Variants in FAM124A observed in about 807,000 individuals in gnomAD.
FAM124A encodes the protein protein FAM124A.
A neutral mutation model predicts 24.5 loss-of-function variants in FAM124A; 23 were observed. The ratio of observed to expected loss-of-function variants is 0.94; its 90% CI spans 0.68 to 1.33. The LOEUF is 1.33. Among genes scored for constraint, FAM124A ranks in the 40% most tolerant of loss-of-function variants. FAM124A has a pLI of 0.00. For synonymous variants in FAM124A, 287 were observed against 314.7 expected, an observed-to-expected ratio of 0.91 and a Z score of 0.93; for missense variants, 623 against 722.8, an observed-to-expected ratio of 0.86 and a Z score of 1.58.
chr13:51,224,374 G>A (rs1954295719), intron 1 of FAM124A, among the ~76,000 whole-genome samples: 1 of 152,192 alleles, frequency 6.6e-6, no homozygotes, highest in African/African-American at 2.4e-5. Flanking sequence ...GGGAGGCTGA[G>A]GCAGGAGAAT....
At chr13:51,230,912 C>T (rs769472342) in intron 1 of FAM124A, among the ~76,000 whole-genome samples, 1 of 152,232 alleles carries the variant, frequency 6.6e-6, no homozygotes, top group African/African-American at 2.4e-5. Flanking sequence ...CCTCTCTCCT[C>T]GCGCTGGGAT....
intron 2 of FAM124A, among the ~76,000 whole-genome samples, chr13:51,238,341 A>G (rs763907282): frequency 2.6e-5 from 4 of 152,174 alleles, no homozygotes; most frequent in Non-Finnish European, 5.9e-5. Context: ...AGTAAGTTGT[A>G]TGTACTGAAA....
At chr13:51,249,591 A>C (rs1423784226) in intron 2 of FAM124A, among the ~76,000 whole-genome samples, 1 of 152,236 alleles carries the variant, frequency 6.6e-6, no homozygotes, top group Admixed American at 6.5e-5. Flanking sequence ...GTGTTCAACT[A>C]AAGAAACATC....
intron 3 of FAM124A, among the ~76,000 whole-genome samples, chr13:51,270,302 A>ATTG (rs1954827860): frequency 6.6e-6 from 1 of 152,248 alleles, no homozygotes; most frequent in Non-Finnish European, 1.5e-5. Flanking sequence ...ACGTACTTGC[A>ATTG]TCCCATCTTG....
intron 3 of FAM124A, among the ~76,000 whole-genome samples, chr13:51,278,628 A>G (rs1441189879): frequency 6.6e-6 from 1 of 152,066 alleles, no homozygotes; most frequent in African/African-American, 2.4e-5. Flanking sequence ...AATTCCGCCC[A>G]CCCAGCAGGC....
Position 51,280,570 on chromosome 13 carries a change from C to T in FAM124A, c.955C>T (p.Gln319Ter). The T allele has an allele frequency of 1.2e-6, 2 of 1,614,124 alleles. No homozygotes were observed. Among genetic ancestry groups the T allele is most frequent in the East Asian group, 2.2e-5 (1 of 44,890 alleles). Residue 319 changes from glutamine to a stop codon, truncating the protein, a stop_gained, in exon 4 of 4, where the codon CAG (glutamine) becomes TAG (stop). Transcript: ENST00000322475. LOFTEE classifies it low-confidence loss of function (END_TRUNC). ...ACCAAGCCATACACCTGGCAGCAGC[C>T]AGCAGTCCCCGCTCAACAGTCCTCA... ...AVPSHTPGSS[Q>*]QSPLNSPHPG...
intron 3 of FAM124A, among the ~76,000 whole-genome samples, chr13:51,262,213 G>A (rs576721684): frequency 3.3e-5 from 5 of 152,338 alleles, no homozygotes; most frequent in African/African-American, 1.2e-4. Context: ...AGGTTGGCCT[G>A]TTCAAACACC....
intron 3 of FAM124A, among the ~76,000 whole-genome samples, chr13:51,255,349 A>T (rs575635011): frequency 6.6e-6 from 1 of 152,316 alleles, no homozygotes; most frequent in East Asian, 1.9e-4. Context: ...TGTCGCCATT[A>T]AAATTTAAAT....
intron 3 of FAM124A, among the ~76,000 whole-genome samples, chr13:51,265,541 C>T (rs998380863): frequency 2.0e-5 from 3 of 152,074 alleles, no homozygotes; most frequent in Middle Eastern, 3.2e-3. Flanking sequence ...GTGGTTCTCG[C>T]GTGCCTAAAT....
intron 1 of FAM124A, among the ~76,000 whole-genome samples, chr13:51,225,787 A>G (rs1009984307): frequency 1.3e-5 from 2 of 152,100 alleles, no homozygotes; most frequent in African/African-American, 4.8e-5. Flanking sequence ...AAAAGGAGAC[A>G]GGTGGATTCC....
intron 3 of FAM124A, among the ~76,000 whole-genome samples, chr13:51,268,386 TA>T (rs1221113283): frequency 2.6e-5 from 4 of 152,220 alleles, no homozygotes; most frequent in Non-Finnish European, 5.9e-5. Flanking sequence ...TAAACTCTCT[TA>T]ATGTCATATT....
intron 3 of FAM124A, among the ~76,000 whole-genome samples, chr13:51,261,766 TG>T (rs1316150503): frequency 6.6e-6 from 1 of 152,210 alleles, no homozygotes; most frequent in Non-Finnish European, 1.5e-5. Flanking sequence ...ATGTAGCAAA[TG>T]GTGCCCAGCA....
chr13:51,235,300 C>T lies in FAM124A; in HGVS notation c.100+3921C>T, dbSNP rs974684119. Among the ~76,000 whole-genome samples, 6 of 151,854 alleles carry T rather than the reference C, an allele frequency of 4.0e-5. No individual in the cohort carries two copies. In the South Asian group the frequency reaches 1.3e-3, roughly 32 times the overall value. On this transcript the variant is annotated intron_variant, in intron 2 of 3. Coordinates refer to ENST00000322475, the MANE Select transcript of FAM124A (RefSeq NM_001242312.2). ...GAAATCTAATGAGATCATCAAGCCACTATGTACAATTTACATTCTTATGCA... is the reference window on the plus strand; with the variant it reads ...GAAATCTAATGAGATCATCAAGCCATTATGTACAATTTACATTCTTATGCA...
chr13:51,269,577 A>G (rs1312134301), intron 3 of FAM124A, among the ~76,000 whole-genome samples: 1 of 152,258 alleles, frequency 6.6e-6, no homozygotes, highest in Non-Finnish European at 1.5e-5. Context: ...GTTTATGAAT[A>G]AGACCACTGA....
At chr13:51,273,717 A>G (rs1364127855) in intron 3 of FAM124A, among the ~76,000 whole-genome samples, 1 of 152,098 alleles carries the variant, frequency 6.6e-6, no homozygotes, top group East Asian at 1.9e-4. Context: ...AAAACAAAAT[A>G]CTCTATCTCT....
chr13:51,227,722 T>C (rs1344669693), intron 1 of FAM124A, among the ~76,000 whole-genome samples: 2 of 152,244 alleles, frequency 1.3e-5, no homozygotes, highest in Admixed American at 6.5e-5. Flanking sequence ...CTCTTTTGTA[T>C]GTGATGGGTT....
At chr13:51,232,021 A>T (rs1221599944) in intron 2 of FAM124A, among the ~76,000 whole-genome samples, 1 of 152,246 alleles carries the variant, frequency 6.6e-6, no homozygotes, top group East Asian at 1.9e-4. Context: ...TAGGGAATTT[A>T]GCTATTACTT....
At chr13:51,234,772 G>A (rs569750915) in intron 2 of FAM124A, among the ~76,000 whole-genome samples, 5 of 152,274 alleles carry the variant, frequency 3.3e-5, no homozygotes, top group African/African-American at 7.2e-5. Flanking sequence ...ATCCTCTCTC[G>A]TGGCCTGTAA....
At chr13:51,256,884 C>G (rs186841090) in intron 3 of FAM124A, among the ~76,000 whole-genome samples, 1 of 152,294 alleles carries the variant, frequency 6.6e-6, no homozygotes, top group East Asian at 1.9e-4. Context: ...ATTCTACTAT[C>G]TGTTTCTGTG....
Sources: allele counts gnomAD v4.1 joint callset (sites outside exome capture counted in the v4.1 genomes callset), GRCh38; gene constraint gnomAD v4.1.1; transcripts MANE v1.5; gene names NCBI Gene and HGNC (gene_info 2026-07-23, HGNC 2026-07-21).